RIT2: variants seen among roughly 807,000 people sequenced by gnomAD.
The protein encoded by RIT2 is GTP-binding protein Rit2.
In RIT2, 24 loss-of-function variants were observed where a neutral mutation model predicts 23.7. The ratio of observed to expected loss-of-function variants is 1.01; its 90% CI spans 0.73 to 1.43. The LOEUF (loss-of-function observed/expected upper bound fraction) is 1.43, where lower values mean the gene tolerates loss of function less well. Ranked by LOEUF, RIT2 falls within the 40% of genes most tolerant of loss-of-function variation. The pLI, the probability that RIT2 is intolerant of heterozygous loss-of-function variation, is 0.00. For missense variants in RIT2, 236 were observed against 266.9 expected (o/e 0.88, Z 0.81); for synonymous variants, 107 against 91.1 (o/e 1.17, Z -0.99).
intron 4 of RIT2, among the ~76,000 whole-genome samples, chr18:42,785,826 G>A (rs1054379650): frequency 3.4e-4 from 52 of 152,202 alleles, no homozygotes; most frequent in African/African-American, 1.3e-3. Context: ...CAGTTAGAAA[G>A]GGTGACCACA....
chr18:42,894,340 G>A (rs770923287), intron 4 of RIT2, among the ~76,000 whole-genome samples: 10 of 152,250 alleles, frequency 6.6e-5, no homozygotes, highest in Middle Eastern at 6.8e-3. Flanking sequence ...TAATCAGCAA[G>A]ACACACAAAA....
chr18:42,836,307 A>G (rs1476828829), intron 4 of RIT2, among the ~76,000 whole-genome samples: 1 of 152,064 alleles, frequency 6.6e-6, no homozygotes, highest in Non-Finnish European at 1.5e-5. Context: ...TCTATTTTAG[A>G]TATAGTATCA....
intron 4 of RIT2, among the ~76,000 whole-genome samples, chr18:42,837,153 C>CTTTTTTTTTTTTTTTTTTTTTTTTTTTT: frequency 3.9e-4 from 20 of 51,702 alleles, no homozygotes; most frequent in Non-Finnish European, 4.7e-4. Context: ...TTTTCTTTTT[C>CTTTTTTTTTTTTTTTTTTTTTTTTTTTT]TTTTTTTTTT....
At chr18:42,800,163 C>T (rs1369628616) in intron 4 of RIT2, among the ~76,000 whole-genome samples, 4 of 152,116 alleles carry the variant, frequency 2.6e-5, no homozygotes, top group African/African-American at 9.7e-5. Flanking sequence ...TTTTGTGAGC[C>T]TGTTCATCCT....
intron 4 of RIT2, among the ~76,000 whole-genome samples, chr18:42,831,288 TAA>T (rs1311309971): frequency 6.6e-6 from 1 of 152,220 alleles, no homozygotes; most frequent in Non-Finnish European, 1.5e-5. Flanking sequence ...TGTTTTCTCA[TAA>T]AGATAGTTTT....
intron 4 of RIT2, among the ~76,000 whole-genome samples, chr18:42,778,349 A>G (rs1462206667): frequency 1.3e-5 from 2 of 152,166 alleles, no homozygotes; most frequent in Non-Finnish European, 2.9e-5. Context: ...ACCCTTGGAA[A>G]TCTTACTGTC....
chr18:42,900,747 G>T (rs939967746), intron 4 of RIT2, among the ~76,000 whole-genome samples: 3 of 152,076 alleles, frequency 2.0e-5, no homozygotes, highest in African/African-American at 7.2e-5. Context: ...GTAGGCTGAG[G>T]CAGAAGGGCT....
At chr18:42,773,244 A>C (rs1030374432) in intron 4 of RIT2, among the ~76,000 whole-genome samples, 1 of 152,164 alleles carries the variant, frequency 6.6e-6, no homozygotes, top group East Asian at 1.9e-4. Flanking sequence ...GACATCTCTG[A>C]CTCTCTGAGA....
intron 1 of RIT2, among the ~76,000 whole-genome samples, chr18:43,102,933 C>A (rs1427093495): frequency 2.0e-5 from 3 of 152,136 alleles, no homozygotes; most frequent in Non-Finnish European, 4.4e-5. Context: ...GGATTATGGA[C>A]GTGAGCCACT....
At chr18:42,776,190 A>G (rs1266090295) in intron 4 of RIT2, among the ~76,000 whole-genome samples, 1 of 152,230 alleles carries the variant, frequency 6.6e-6, no homozygotes, top group Non-Finnish European at 1.5e-5. Context: ...ATGCAAATAT[A>G]CAAACAGTTG....
intron 1 of RIT2, among the ~76,000 whole-genome samples, chr18:43,054,639 G>A (rs764795716): frequency 1.3e-5 from 2 of 152,018 alleles, no homozygotes; most frequent in African/African-American, 4.8e-5. Flanking sequence ...CTTATATGCT[G>A]TTTCATGCCC....
chr18:43,086,424 C>T (rs577100064), intron 1 of RIT2, among the ~76,000 whole-genome samples: 5 of 152,192 alleles, frequency 3.3e-5, no homozygotes, highest in South Asian at 2.1e-4. Context: ...GGAAGAAATA[C>T]GCATGATGGA....
At chr18:42,816,769 T>G (rs543238299) in intron 4 of RIT2, among the ~76,000 whole-genome samples, 2 of 152,138 alleles carry the variant, frequency 1.3e-5, no homozygotes, top group African/African-American at 4.8e-5. Flanking sequence ...CATTATAGGA[T>G]AAAAAAACCA....
intron 3 of RIT2, among the ~76,000 whole-genome samples, chr18:42,948,081 T>C (rs550806357): frequency 2.0e-5 from 3 of 152,220 alleles, no homozygotes; most frequent in Non-Finnish European, 4.4e-5. Context: ...TTCAGTATGA[T>C]ACACCATACC....
chr18:42,781,718 C>T (rs1319859272), intron 4 of RIT2, among the ~76,000 whole-genome samples: 1 of 152,164 alleles, frequency 6.6e-6, no homozygotes, highest in African/African-American at 2.4e-5. Flanking sequence ...TGACTCTCCT[C>T]GGTCTTGCCC....
chr18:43,000,725 C>A (rs912194454), intron 2 of RIT2, among the ~76,000 whole-genome samples: 5 of 151,932 alleles, frequency 3.3e-5, no homozygotes, highest in Non-Finnish European at 5.9e-5. Context: ...CACTCCCACC[C>A]CCCTGCAGCC....
At chr18:42,769,390 G>A (rs929472660) in intron 4 of RIT2, among the ~76,000 whole-genome samples, 1 of 151,646 alleles carries the variant, frequency 6.6e-6, no homozygotes, top group South Asian at 2.1e-4. Context: ...CCATTGCCTG[G>A]GACTCCTTTC....
At chr18:42,975,238 T>C (rs1457506760) in intron 2 of RIT2, among the ~76,000 whole-genome samples, 3 of 152,128 alleles carry the variant, frequency 2.0e-5, no homozygotes, top group Non-Finnish European at 4.4e-5. Flanking sequence ...AGATGTAGAA[T>C]GTTATCAAAA....
At chr18:42,804,829 ACCTGG>A in intron 4 of RIT2, among the ~76,000 whole-genome samples, 1 of 152,110 alleles carries the variant, frequency 6.6e-6, no homozygotes. Flanking sequence ...AAATTTTAAA[ACCTGG>A]AATTTGTAAT....
Sources: gnomAD v4.1 joint callset for allele counts (sites outside exome capture counted in the v4.1 genomes callset) on GRCh38, gnomAD v4.1.1 for gene constraint, MANE v1.5 for transcripts, NCBI Gene and HGNC (gene_info 2026-07-23, HGNC 2026-07-21) for gene names.